SMARCA2: variants seen among roughly 807,000 people sequenced by gnomAD.
SMARCA2 encodes the protein SWI/SNF related BAF chromatin remodeling complex subunit ATPase 2.
A neutral mutation model predicts 199.8 loss-of-function variants in SMARCA2; 61 were observed. The observed-to-expected ratio is 0.31, with a 90% CI of 0.25 to 0.38. The LOEUF (loss-of-function observed/expected upper bound fraction) is 0.38. SMARCA2 is among the 10% of genes least tolerant of loss of function. The pLI, the probability that SMARCA2 is intolerant of heterozygous loss-of-function variation, is 1.00. For missense variants in SMARCA2, 1,344 were observed against 2,012.2 expected, an observed-to-expected ratio of 0.67 and a Z score of 6.35; for synonymous variants, 935 against 732.0, an observed-to-expected ratio of 1.28 and a Z score of -4.48.
intron 3 of SMARCA2, among the ~76,000 whole-genome samples, chr9:2,033,663 A>C (rs907541119): frequency 6.6e-6 from 1 of 152,196 alleles, no homozygotes; most frequent in African/African-American, 2.4e-5. Flanking sequence ...CTCTTATATA[A>C]TTCTGGAGGC....
intron 27 of SMARCA2, among the ~76,000 whole-genome samples, chr9:2,154,150 A>G (rs1001967826): frequency 1.6e-4 from 24 of 152,208 alleles, no homozygotes; most frequent in African/African-American, 5.1e-4. Context: ...TGCAAAATGC[A>G]GAGAGTAAGA....
intron 27 of SMARCA2, among the ~76,000 whole-genome samples, chr9:2,135,123 C>A (rs1312591236): frequency 6.6e-6 from 1 of 152,162 alleles, no homozygotes; most frequent in African/African-American, 2.4e-5. Flanking sequence ...GGACTGAGAA[C>A]CAGAGCAGGG....
At position 2,076,379 on chromosome 9, in the gene SMARCA2, T is replaced by G. The variant is rs375480592; in HGVS notation, c.2036+50T>G. The G allele has an allele frequency of 1.3e-5, 15 of 1,155,310 alleles. No individual in the cohort carries two copies. The African/African-American group carries it at 2.3e-4, about 18-fold the overall frequency. The allele number at this position is 1,155,310 out of a possible 1,614,324, so 71.6% of individuals were successfully genotyped here. ...AAATGCATTGCATGAGGATGATGCT[T>G]AATGAATTTTCTTTTAGGAAATTTT... On this transcript the variant is annotated intron_variant, in intron 13 of 33. Transcript: ENST00000349721.
At chr9:2,072,997 GTGCCTGTAT>G (rs1327113063) in intron 10 of SMARCA2, 1 of 537,058 alleles carries the variant, frequency 1.9e-6, no homozygotes, top group Non-Finnish European at 3.3e-6. Context: ...GCTGAGGTTT[GTGCCTGTAT>G]CTTAGCTACC....
Position 2,039,811 on chromosome 9 carries a change from AGC to A in SMARCA2, c.702_703del (p.Gln235AlafsTer23). ...CAGCAGCAGCAGCAGCAGCAGCAGC[AGC>A]AGCAACAGCAGCCGCAGCAGCAGCC... On this transcript the variant is annotated frameshift_variant, in exon 4 of 34. Transcript: ENST00000349721. LOFTEE classifies it high-confidence loss of function. The surrounding 1 kb of genome is among the most constrained non-coding windows in gnomAD (Gnocchi z 4.8). 1 of 1,603,930 alleles carries A rather than the reference AGC, an allele frequency of 6.2e-7. No individual in the cohort carries two copies. The highest frequency in any genetic ancestry group is 1.1e-5 in the South Asian group (1 of 90,426).
chr9:2,081,140 T>TG (rs1435736125), intron 14 of SMARCA2, among the ~76,000 whole-genome samples: 1 of 152,196 alleles, frequency 6.6e-6, no homozygotes, highest in Non-Finnish European at 1.5e-5. Context: ...AATTGTTGGT[T>TG]GGGGGATGGA....
chr9:2,186,271 C>A, intron 32 of SMARCA2, 43 bp downstream of exon 32: 1 of 1,579,036 alleles, frequency 6.3e-7, no homozygotes, highest in Non-Finnish European at 8.6e-7. Context: ...TGCCCCTCCT[C>A]ACCTGCATAG....
intron 10 of SMARCA2, among the ~76,000 whole-genome samples, chr9:2,070,866 C>T (rs187305527): frequency 1.3e-5 from 2 of 152,188 alleles, no homozygotes; most frequent in East Asian, 3.9e-4. Context: ...TATAAAAATA[C>T]ATAAACTAAA....
rs891897389 is a variant in SMARCA2, at chr9:2,169,098, G to A, written c.4200-1321G>A. Among the ~76,000 whole-genome samples the A allele has an allele frequency of 6.6e-6, 1 of 152,094 alleles. No homozygotes were observed. Among genetic ancestry groups the A allele is most frequent in the Non-Finnish European group, 1.5e-5 (1 of 68,018 alleles). ...AAATAATGAAGACTTTCCCAATTCT[G>A]TGCCTTATTGCTGACACTCAGAGTC... is the stretch of plus-strand genomic sequence containing the variant. On this transcript the variant is annotated intron_variant, in intron 28 of 33. Coordinates refer to ENST00000349721, the MANE Select transcript of SMARCA2 (RefSeq NM_003070.5). The surrounding 1 kb of genome is among the most constrained non-coding windows in gnomAD (Gnocchi z 6.5).
intron 1 of SMARCA2, among the ~76,000 whole-genome samples, chr9:2,018,577 C>T (rs1369191547): frequency 3.3e-5 from 5 of 152,212 alleles, no homozygotes; most frequent in Non-Finnish European, 5.9e-5. Flanking sequence ...TTCTGCGTTA[C>T]CAATATCGAA....
At chr9:2,191,726 A>T (rs1202552483) in intron 33 of SMARCA2, 1 of 221,740 alleles carries the variant, frequency 4.5e-6, no homozygotes, top group Non-Finnish European at 9.0e-6. Flanking sequence ...AATATTTTAC[A>T]TGCATCACAG....
intron 27 of SMARCA2, among the ~76,000 whole-genome samples, chr9:2,131,803 G>A (rs563320556): frequency 2.6e-5 from 4 of 152,120 alleles, no homozygotes; most frequent in Non-Finnish European, 4.4e-5. Context: ...AGCTGGGCGT[G>A]GTGGCGGGTG....
intron 27 of SMARCA2, among the ~76,000 whole-genome samples, chr9:2,140,408 T>C (rs554614941): frequency 2.8e-4 from 42 of 152,312 alleles, no homozygotes; most frequent in Non-Finnish European, 3.7e-4. Context: ...ATCACCAAAA[T>C]GAACATTTGT....
chr9:2,160,560 G>A lies in SMARCA2; in HGVS notation c.3982-1126G>A, dbSNP rs915220728. 5.7e-6 allele frequency: 4 copies of A among 699,624 alleles called. No individual in the cohort carries two copies. The African/African-American group carries it at 7.0e-5, about 12-fold the overall frequency. 43.3% of individuals were successfully genotyped at this position (699,624 alleles called of 1,614,324 possible). On this transcript the variant is annotated intron_variant, in intron 27 of 33. Transcript: ENST00000349721. Reference sequence around the variant, plus strand: ...CTGAGCTGTAATCACTCTTTATATTGATTGTTATACTCACATGATCATAAA... The same window carrying A: ...CTGAGCTGTAATCACTCTTTATATTAATTGTTATACTCACATGATCATAAA...
chr9:2,085,450 A>G (rs999388170), intron 17 of SMARCA2, among the ~76,000 whole-genome samples: 5 of 152,176 alleles, frequency 3.3e-5, no homozygotes, highest in Admixed American at 3.3e-4. Context: ...CCATAGCAAA[A>G]TCAAAGGCCT....
chr9:2,058,112 C>T (rs1030891575), intron 7 of SMARCA2, 179 bp from the exon 8 acceptor site: 8 of 586,816 alleles, frequency 1.4e-5, no homozygotes, highest in African/African-American at 1.3e-4. Context: ...ATCTTTCCCA[C>T]CAGCCCCATG....
Position 2,119,618 on chromosome 9 carries a change from G to A in SMARCA2, c.3762+83G>A. ...TAAGCAGAATGTCTGCAGCCTGCGT[G>A]CCTGGCAGAACTTCATACGTAAAGC... On this transcript the variant is annotated intron_variant, in intron 26 of 33. Coordinates refer to ENST00000349721, the MANE Select transcript of SMARCA2 (RefSeq NM_003070.5). The surrounding 1 kb of genome is among the most constrained non-coding windows in gnomAD (Gnocchi z 4.6). The A allele has an allele frequency of 1.1e-6, 1 of 933,434 alleles. No homozygotes were observed. The highest frequency in any genetic ancestry group is 1.7e-6 in the Non-Finnish European group (1 of 581,308). The allele number at this position is 933,434 out of a possible 1,614,324, so 57.8% of individuals were successfully genotyped here. A position where few individuals can be genotyped will look rare whatever the true frequency, so the allele number is the denominator to read the frequency against.
intron 18 of SMARCA2, 60 bp downstream of exon 18, chr9:2,087,131 A>G: frequency 6.3e-7 from 1 of 1,598,920 alleles, no homozygotes; most frequent in Non-Finnish European, 8.5e-7. Context: ...GAAAGGCCCT[A>G]AAGCTGAGAA....
chr9:2,136,756 G>A (rs1317855161), intron 27 of SMARCA2, among the ~76,000 whole-genome samples: 1 of 152,090 alleles, frequency 6.6e-6, no homozygotes, highest in Admixed American at 6.6e-5. Context: ...TCAAGAGCAG[G>A]TCTCCAAGTA....
Sources: allele counts gnomAD v4.1 joint callset (sites outside exome capture counted in the v4.1 genomes callset), GRCh38; gene constraint gnomAD v4.1.1; non-coding constraint Gnocchi (gnomAD v3.1); transcripts MANE v1.5; gene names NCBI Gene and HGNC (gene_info 2026-07-23, HGNC 2026-07-21).